KIAA0586: variants seen among roughly 807,000 people sequenced by gnomAD.
KIAA0586 encodes the protein KIAA0586, also known as protein TALPID3.
Under a neutral mutation model 169.8 loss-of-function variants are expected in KIAA0586, and 144 were observed. The observed-to-expected ratio is 0.85, with a 90% CI of 0.74 to 0.97. The LOEUF is 0.97. Among genes scored for constraint, KIAA0586 ranks in the 50% least tolerant of loss-of-function variants. KIAA0586 has a pLI of 0.00. For synonymous variants in KIAA0586, 625 were observed against 612.4 expected, an observed-to-expected ratio of 1.02 and a Z score of -0.30; for missense variants, 1,854 against 1,823.0, an observed-to-expected ratio of 1.02 and a Z score of -0.31.
chr14:58,451,563 C>T (rs993611462), intron 8 of KIAA0586, among the ~76,000 whole-genome samples: 1 of 152,078 alleles, frequency 6.6e-6, no homozygotes, highest in Non-Finnish European at 1.5e-5. Flanking sequence ...CAATGCTTTG[C>T]TGAAGGTAAG....
intron 30 of KIAA0586, among the ~76,000 whole-genome samples, chr14:58,544,520 AC>A (rs2046862648): frequency 6.6e-6 from 1 of 152,004 alleles, no homozygotes; most frequent in African/African-American, 2.4e-5. Flanking sequence ...CTGCAACCTC[AC>A]CAGCATCTGT....
the KIAA0586 span, among the ~76,000 whole-genome samples, chr14:58,558,024 C>T: frequency 6.7e-6 from 1 of 149,518 alleles, no homozygotes; most frequent in South Asian, 2.1e-4. Context: ...ATTCTCCCAC[C>T]TCATCCGCCT....
chr14:58,485,710 A>G (rs1236305826), intron 21 of KIAA0586, among the ~76,000 whole-genome samples: 1 of 152,202 alleles, frequency 6.6e-6, no homozygotes, highest in Non-Finnish European at 1.5e-5. Flanking sequence ...TTACCTATTC[A>G]ACAAATTAAT....
chr14:58,444,921 A>G (rs1015471683), intron 6 of KIAA0586, among the ~76,000 whole-genome samples: 9 of 149,388 alleles, frequency 6.0e-5, no homozygotes, highest in Non-Finnish European at 1.2e-4. Flanking sequence ...TTAGGAAAAA[A>G]AAAAAAAAAA....
intron 28 of KIAA0586, among the ~76,000 whole-genome samples, chr14:58,509,032 C>A (rs913727082): frequency 6.6e-6 from 1 of 152,058 alleles, no homozygotes; most frequent in Non-Finnish European, 1.5e-5. Context: ...AGTTTCAGAC[C>A]AGCCTGGGCA....
At position 58,467,755 on chromosome 14, in the gene KIAA0586, G is replaced by A; in HGVS notation, c.2275G>A (p.Asp759Asn). ...CTTAGGACAAACCCAAAGTAATAGT[G>A]ATACCATGCCACCTGCTGGAGTGAT... ...ILLGQTQSNS[D>N]TMPPAGVIVS... Residue 759 changes from aspartate (D) to asparagine (N), a missense_variant, in exon 16 of 31, where the codon GAT becomes AAT. Physicochemically the swap from Asp to Asn is conservative, Grantham distance 23. Coordinates refer to ENST00000652326, the MANE Select transcript of KIAA0586 (RefSeq NM_001329943.3). The A allele has an allele frequency of 6.2e-7, 1 of 1,610,928 alleles. No individual in the cohort carries two copies. The highest frequency in any genetic ancestry group is 1.1e-5 in the South Asian group (1 of 90,432).
intron 2 of KIAA0586, among the ~76,000 whole-genome samples, chr14:58,430,392 GA>G (rs2037261303): frequency 6.6e-6 from 1 of 152,136 alleles, no homozygotes; most frequent in Non-Finnish European, 1.5e-5. Flanking sequence ...GTTTGAGTCT[GA>G]ATCTCAGTGC....
chr14:58,455,773 C>T (rs553203798), intron 9 of KIAA0586, among the ~76,000 whole-genome samples: 27 of 152,146 alleles, frequency 1.8e-4, no homozygotes, highest in African/African-American at 6.3e-4. Context: ...CTGTTTTAGC[C>T]TTTCACTTCC....
chr14:58,478,605 T>A (rs1379730439), intron 20 of KIAA0586, among the ~76,000 whole-genome samples: 1 of 152,130 alleles, frequency 6.6e-6, no homozygotes, highest in African/African-American at 2.4e-5. Flanking sequence ...GCACTGGGAT[T>A]ACAGGAGTGA....
At chr14:58,502,433 C>T (rs1006968980) in intron 27 of KIAA0586, among the ~76,000 whole-genome samples, 2 of 152,174 alleles carry the variant, frequency 1.3e-5, no homozygotes, top group African/African-American at 4.8e-5. Context: ...AGCCACTGCG[C>T]CCAGCTGATA....
In KIAA0586 at chr14:58,458,210, T is replaced by C. The variant is rs576266984; in HGVS notation, c.1583+231T>C. ...TAATTTTTTCTTTCTTTGGTACATATCTTCTTGGATCCACATGTGCTTTTC... is the reference window on the plus strand; with the variant it reads ...TAATTTTTTCTTTCTTTGGTACATACCTTCTTGGATCCACATGTGCTTTTC... On this transcript the variant is annotated intron_variant, in intron 11 of 30. Coordinates refer to ENST00000652326, the MANE Select transcript of KIAA0586 (RefSeq NM_001329943.3). Among the ~76,000 whole-genome samples the C allele has an allele frequency of 8.5e-5, 13 of 152,316 alleles. No individual in the cohort carries two copies. The South Asian group carries it at 2.7e-3, about 32-fold the overall frequency.
the KIAA0586 span, among the ~76,000 whole-genome samples, chr14:58,560,167 A>AG: frequency 8.6e-5 from 13 of 151,546 alleles, no homozygotes; most frequent in Non-Finnish European, 1.5e-4. Flanking sequence ...AAAAAAAAAA[A>AG]AGATGCACAG....
At chr14:58,533,619 A>G (rs1476672075) in intron 29 of KIAA0586, among the ~76,000 whole-genome samples, 1 of 152,144 alleles carries the variant, frequency 6.6e-6, no homozygotes, top group African/African-American at 2.4e-5. Context: ...CACAGCCAAC[A>G]ACTGCTGCCT....
At position 58,548,389 on chromosome 14, in the gene KIAA0586, T is replaced by C. The variant is rs947935709; in HGVS notation, c.*457T>C. The C allele has an allele frequency of 6.6e-6, 1 of 152,612 alleles. No homozygotes were observed. Among genetic ancestry groups the C allele is most frequent in the Non-Finnish European group, 1.5e-5 (1 of 68,384 alleles). 9.5% of individuals were successfully genotyped at this position (152,612 alleles called of 1,614,324 possible). A position where few individuals can be genotyped will look rare whatever the true frequency, so the allele number is the denominator to read the frequency against. On this transcript the variant is annotated 3_prime_UTR_variant, in exon 31 of 31. Coordinates refer to ENST00000652326, the MANE Select transcript of KIAA0586 (RefSeq NM_001329943.3). Reference sequence around the variant, plus strand: ...ATTACAAAAAAAAATTTAAAAAGTTTATTGATATGGAATAATCTTTGAGAT... The same window carrying C: ...ATTACAAAAAAAAATTTAAAAAGTTCATTGATATGGAATAATCTTTGAGAT...
intron 28 of KIAA0586, among the ~76,000 whole-genome samples, chr14:58,511,535 A>G (rs2044385922): frequency 1.3e-5 from 2 of 152,352 alleles, no homozygotes; most frequent in East Asian, 3.9e-4. Flanking sequence ...TGAGTAAGTA[A>G]GGAAACCAAT....
rs145095196 is a variant in KIAA0586 at position 58,435,883 on chromosome 14, A to G, written c.410+3426A>G. On this transcript the variant is annotated intron_variant, in intron 4 of 30. Coordinates refer to ENST00000652326, the MANE Select transcript of KIAA0586 (RefSeq NM_001329943.3). The stretch of plus-strand genomic sequence containing the variant: ...CCACCATGCCCGGCTGATTTTTTGT[A>G]TTTTTAGTAGAGACGGGGTTTTGCC... 1.8e-4 allele frequency among the ~76,000 whole-genome samples: 28 copies of G among 151,996 alleles called. 2 individuals carry two copies. In the East Asian group the frequency reaches 5.4e-3, roughly 29 times the overall value.
intron 27 of KIAA0586, among the ~76,000 whole-genome samples, chr14:58,500,026 A>G (rs2043443803): frequency 6.6e-6 from 1 of 152,238 alleles, no homozygotes; most frequent in South Asian, 2.1e-4. Flanking sequence ...AATTTAAATA[A>G]ACTTTCTGTT....
At chr14:58,468,783 T>A (rs909067628) in intron 16 of KIAA0586, among the ~76,000 whole-genome samples, 5 of 152,250 alleles carry the variant, frequency 3.3e-5, no homozygotes, top group African/African-American at 7.2e-5. Context: ...ACTTTTTGGC[T>A]GATTTACTCC....
Position 58,512,548 on chromosome 14 carries a change from T to A in KIAA0586, c.4350T>A (p.Val1450=). ...ACCAACTAAAGCAAAATCAGGATGT[T>A]AAGCAAGTTGAACACAAACCATCAC... The part of the protein sequence containing the change: ...SQYQLKQNQD[V]KQVEHKPSQS... Residue 1450 remains valine, a synonymous_variant, in exon 29 of 31, where the codon GTT becomes GTA. Coordinates refer to ENST00000652326, the MANE Select transcript of KIAA0586 (RefSeq NM_001329943.3). 1 of 1,540,858 alleles carries A rather than the reference T, an allele frequency of 6.5e-7. No individual in the cohort carries two copies. The highest frequency in any genetic ancestry group is 8.7e-7 in the Non-Finnish European group (1 of 1,150,966).
Sources: gnomAD v4.1 joint callset for allele counts (sites outside exome capture counted in the v4.1 genomes callset) on GRCh38, gnomAD v4.1.1 for gene constraint, MANE v1.5 for transcripts, NCBI Gene and HGNC (gene_info 2026-07-23, HGNC 2026-07-21) for gene names.